Variants in LINGO2 observed in about 807,000 individuals in gnomAD.
LINGO2 encodes the protein leucine rich repeat and Ig domain containing 2, also known as leucine-rich repeat and immunoglobulin-like domain-containing nogo receptor-interacting protein 2.
Under a neutral mutation model 30.6 loss-of-function variants are expected in LINGO2, and 14 were observed. The ratio of observed to expected loss-of-function variants is 0.46; its 90% confidence interval spans 0.30 to 0.72. LINGO2 has a LOEUF of 0.72. LINGO2 is among the 30% of genes least tolerant of loss of function. The pLI is 0.07. For missense variants in LINGO2, 729 were observed against 751.7 expected (o/e 0.97, Z 0.35); for synonymous variants, 317 against 288.5 (o/e 1.10, Z -1.00).
At chr9:28,183,381 A>G (rs925869812) in intron 4 of LINGO2, among the ~76,000 whole-genome samples, 2 of 152,160 alleles carry the variant, frequency 1.3e-5, no homozygotes, top group African/African-American at 4.8e-5. Flanking sequence ...AGGTACACCT[A>G]TGTAACATAC....
the LINGO2 span, among the ~76,000 whole-genome samples, chr9:28,758,775 A>G: frequency 2.7e-4 from 41 of 152,118 alleles, no homozygotes; most frequent in Admixed American, 2.7e-3. Flanking sequence ...CATCCCAGAA[A>G]TTATAATCAC....
chr9:28,017,593 T>C (rs2119324781), intron 4 of LINGO2, among the ~76,000 whole-genome samples: 1 of 152,192 alleles, frequency 6.6e-6, no homozygotes, highest in Admixed American at 6.5e-5. Flanking sequence ...GAGAGCCAAA[T>C]CAAGAACACA....
Position 28,498,866 on chromosome 9 carries a change from A to G in LINGO2, c.-364-22841T>C, listed in dbSNP as rs75793001. Among the ~76,000 whole-genome samples the G allele has an allele frequency of 1.2e-3, 176 of 152,264 alleles. 3 individuals are homozygous for G. In the East Asian group the frequency reaches 0.022, roughly 19 times the overall value. ...GTGCATGAAAGATATAAGACCATAAAAATATAAGACTATATAATAAAAATA... is the reference window on the plus strand; with the variant it reads ...GTGCATGAAAGATATAAGACCATAAGAATATAAGACTATATAATAAAAATA... On this transcript the variant is annotated intron_variant, in intron 1 of 5. Transcript: ENST00000379992.
At chr9:28,799,633 T>C in the LINGO2 span, among the ~76,000 whole-genome samples, 1 of 152,148 alleles carries the variant, frequency 6.6e-6, no homozygotes, top group East Asian at 1.9e-4. Context: ...GGCAGTGACC[T>C]CTGAGGCCTG....
At chr9:29,008,484 T>C in the LINGO2 span, among the ~76,000 whole-genome samples, 3 of 152,176 alleles carry the variant, frequency 2.0e-5, no homozygotes, top group Non-Finnish European at 4.4e-5. Context: ...CAGTTCTAGA[T>C]CCTTGAGGAA....
chr9:28,009,278 T>C (rs943332665), intron 5 of LINGO2, among the ~76,000 whole-genome samples: 20 of 151,770 alleles, frequency 1.3e-4, no homozygotes, highest in African/African-American at 4.8e-4. Flanking sequence ...ATGAGGCTCT[T>C]AGAAGAACAC....
the LINGO2 span, among the ~76,000 whole-genome samples, chr9:28,716,419 C>G: frequency 1.3e-5 from 2 of 151,900 alleles, no homozygotes; most frequent in Non-Finnish European, 2.9e-5. Flanking sequence ...GACAAGGGGA[C>G]AGGGAAAGTA....
At chr9:28,201,950 G>A (rs1820251387) in intron 4 of LINGO2, among the ~76,000 whole-genome samples, 1 of 152,104 alleles carries the variant, frequency 6.6e-6, no homozygotes, top group Non-Finnish European at 1.5e-5. Flanking sequence ...CAAGGTGTTA[G>A]CAAGGTTGGT....
chr9:28,868,402 T>A, the LINGO2 span, among the ~76,000 whole-genome samples: 3 of 151,998 alleles, frequency 2.0e-5, no homozygotes, highest in African/African-American at 7.2e-5. Context: ...AGTGAGTGAG[T>A]GAGCATGTGT....
In LINGO2 at chr9:28,462,924, T is replaced by C. The variant is rs532688217; in HGVS notation, c.-279+13016A>G. On this transcript the variant is annotated intron_variant, in intron 2 of 5. Coordinates refer to ENST00000379992, the Ensembl canonical transcript of LINGO2. The stretch of plus-strand genomic sequence containing the variant: ...AACTTGGTGACACCTTAAAGAGCAA[T>C]GTCTTTTAACATTAAGTTTTGCAAG... Among the ~76,000 whole-genome samples the C allele has an allele frequency of 2.9e-3, 448 of 152,194 alleles. 5 individuals are homozygous for C. The highest frequency in any genetic ancestry group is 3.0e-3 in the Non-Finnish European group (206 of 67,928).
the LINGO2 span, among the ~76,000 whole-genome samples, chr9:28,877,733 A>G: frequency 1.3e-5 from 2 of 152,072 alleles, no homozygotes; most frequent in Non-Finnish European, 1.5e-5. Flanking sequence ...TTGGCAATGC[A>G]GGCTCTTTTT....
chr9:28,774,903 C>T, the LINGO2 span, among the ~76,000 whole-genome samples: 2 of 152,032 alleles, frequency 1.3e-5, no homozygotes, highest in Non-Finnish European at 2.9e-5. Flanking sequence ...AAGCGCTGGA[C>T]CTTAAACTTG....
chr9:28,338,501 T>C (rs978013028), intron 3 of LINGO2, among the ~76,000 whole-genome samples: 4 of 152,118 alleles, frequency 2.6e-5, no homozygotes, highest in Admixed American at 2.6e-4. Flanking sequence ...TGTGAGGACA[T>C]GAGATTTGGG....
At chr9:27,992,759 T>A (rs187691305) in intron 5 of LINGO2, among the ~76,000 whole-genome samples, 261 of 152,030 alleles carry the variant, frequency 1.7e-3, no homozygotes, top group Non-Finnish European at 2.9e-3. Context: ...TTCTCTTTAT[T>A]TTTGTAATAA....
Position 27,963,819 on chromosome 9 carries a change from T to TAA in LINGO2, c.-35-13115_-35-13114dup, listed in dbSNP as rs1485830532. 7.2e-5 allele frequency among the ~76,000 whole-genome samples: 11 copies of TAA among 151,820 alleles called. No individual in the cohort carries two copies. In the East Asian group the frequency reaches 1.9e-3, roughly 27 times the overall value. ...TCTGAGGCTATAATTTCCAGATATC[T>TAA]AAAAACTGTAACTTCAGAAATCCTG... On this transcript the variant is annotated intron_variant, in intron 5 of 5. Transcript: ENST00000379992.
the LINGO2 span, among the ~76,000 whole-genome samples, chr9:28,930,172 C>T: frequency 6.6e-6 from 1 of 152,128 alleles, no homozygotes; most frequent in South Asian, 2.1e-4. This position sits in a 1 kb window ranked among gnomAD's most constrained non-coding sequence, Gnocchi z 4.2. Flanking sequence ...CTGTTCTTTG[C>T]CTTGAGTGCA....
the LINGO2 span, among the ~76,000 whole-genome samples, chr9:29,011,259 C>T: frequency 6.6e-6 from 1 of 152,156 alleles, no homozygotes; most frequent in African/African-American, 2.4e-5. Context: ...CTTGAGTACA[C>T]GGACATCTGA....
At chr9:29,055,147 A>G in the LINGO2 span, among the ~76,000 whole-genome samples, 1 of 152,086 alleles carries the variant, frequency 6.6e-6, no homozygotes, top group Non-Finnish European at 1.5e-5. Flanking sequence ...TGAACCCAGG[A>G]GGCAGACGTT....
the LINGO2 span, among the ~76,000 whole-genome samples, chr9:28,878,820 G>T: frequency 6.6e-6 from 1 of 152,030 alleles, no homozygotes; most frequent in Non-Finnish European, 1.5e-5. Flanking sequence ...AATAAATTAG[G>T]TACTGATGGG....
Sources: allele counts gnomAD v4.1 joint callset (sites outside exome capture counted in the v4.1 genomes callset), GRCh38; gene constraint gnomAD v4.1.1; non-coding constraint Gnocchi (gnomAD v3.1); transcripts MANE v1.5; gene names NCBI Gene and HGNC (gene_info 2026-07-23, HGNC 2026-07-21).